Variants in CCDC57 observed in about 807,000 individuals in gnomAD.
The protein encoded by CCDC57 is coiled-coil domain containing 57.
A neutral mutation model predicts 118.9 loss-of-function variants in CCDC57; 118 were observed. The observed-to-expected ratio is 0.99, with a 90% CI of 0.86 to 1.16. The LOEUF (loss-of-function observed/expected upper bound fraction) is 1.16. CCDC57 is among the 50% of genes most tolerant of loss of function. The pLI is 0.00. For synonymous variants in CCDC57, 527 were observed against 532.9 expected, an observed-to-expected ratio of 0.99 and a Z score of 0.15; for missense variants, 1,300 against 1,320.7, an observed-to-expected ratio of 0.98 and a Z score of 0.24.
chr17:82,113,730 C>T (rs778152776), intron 19 of CCDC57: 77 of 704,742 alleles, frequency 1.1e-4, no homozygotes, highest in Non-Finnish European at 1.5e-4. Flanking sequence ...CCCAGGAGTT[C>T]GAGACCAGCC....
At chr17:82,119,432 G>GC (rs1289023961) in intron 19 of CCDC57, among the ~76,000 whole-genome samples, 11 of 151,674 alleles carry the variant, frequency 7.3e-5, no homozygotes, top group African/African-American at 1.4e-4. Context: ...ACCTGTGGGT[G>GC]CCCCCCCACC....
At chr17:82,125,339 A>G (rs1035661394) in intron 19 of CCDC57, among the ~76,000 whole-genome samples, 8 of 151,950 alleles carry the variant, frequency 5.3e-5, no homozygotes, top group African/African-American at 1.9e-4. Flanking sequence ...GGAATTTGAG[A>G]TCAGCCTGGG....
At chr17:82,195,415 C>A (rs755585830) in intron 4 of CCDC57, 51 bp from the exon 4 acceptor site, 31 of 1,425,440 alleles carry the variant, frequency 2.2e-5, no homozygotes, top group Non-Finnish European at 2.6e-5. Flanking sequence ...CCAGCAAAGA[C>A]CCCCACCCAC....
chr17:82,166,290 G>A (rs1236881480), intron 13 of CCDC57, among the ~76,000 whole-genome samples: 1 of 151,098 alleles, frequency 6.6e-6, no homozygotes, highest in Non-Finnish European at 1.5e-5. Context: ...TGAGAGAATT[G>A]CTTGAAGCCA....
intron 16 of CCDC57, among the ~76,000 whole-genome samples, chr17:82,150,313 A>T (rs1166662548): frequency 7.9e-6 from 1 of 127,216 alleles, no homozygotes. Context: ...ACCCAGAACC[A>T]GGTGCACACT....
At chr17:82,209,026 C>G (rs1187481859) in intron 1 of CCDC57, among the ~76,000 whole-genome samples, 2 of 152,154 alleles carry the variant, frequency 1.3e-5, no homozygotes, top group Non-Finnish European at 2.9e-5. Context: ...TGCACCCAGC[C>G]TCTCATCTAC....
At chr17:82,178,927 C>A in intron 10 of CCDC57, 100 bp downstream of exon 9, 1 of 1,358,244 alleles carries the variant, frequency 7.4e-7, no homozygotes, top group Non-Finnish European at 1.0e-6. Flanking sequence ...TTAGTGTTTT[C>A]AAATTTAAAG....
At chr17:82,151,647 C>T in exon 16 of CCDC57, 1 of 1,550,410 alleles carries the variant, frequency 6.4e-7, no homozygotes, top group Non-Finnish European at 8.7e-7. Flanking sequence ...ATTTTTCTGG[C>T]TGCCTCCTTC....
chr17:82,133,721 C>G (rs1004846039), intron 17 of CCDC57, among the ~76,000 whole-genome samples: 1 of 151,730 alleles, frequency 6.6e-6, no homozygotes. Flanking sequence ...ATTAGTCAGG[C>G]GTGTTGGTGC....
At chr17:82,109,173 CAGA>C (rs1469326328) in intron 19 of CCDC57, among the ~76,000 whole-genome samples, 1 of 152,188 alleles carries the variant, frequency 6.6e-6, no homozygotes, top group Non-Finnish European at 1.5e-5. Flanking sequence ...AGAAAGAGCT[CAGA>C]AGAAGCCATA....
chr17:82,138,804 G>A (rs564448935), intron 16 of CCDC57, among the ~76,000 whole-genome samples: 39 of 152,314 alleles, frequency 2.6e-4, no homozygotes, highest in Admixed American at 6.5e-4. Context: ...TGCCCACGGC[G>A]CTTCTCTTCA....
rs531508980 is a variant in CCDC57, at chr17:82,138,633, G to A, written c.2456-4439C>T. Among the ~76,000 whole-genome samples the A allele has an allele frequency of 1.1e-3, 165 of 152,274 alleles. 1 individual carries two copies. Among genetic ancestry groups the A allele is most frequent in the Non-Finnish European group, 2.0e-3 (136 of 68,014 alleles). ...TGATGAGTGCCACGGGAAGACTGCCGAGTCGGAAGAGACGCATGGCCTGCC... is the reference window on the plus strand; with the variant it reads ...TGATGAGTGCCACGGGAAGACTGCCAAGTCGGAAGAGACGCATGGCCTGCC... On this transcript the variant is annotated intron_variant, in intron 16 of 19. Transcript: ENST00000665763.
intron 16 of CCDC57, among the ~76,000 whole-genome samples, chr17:82,137,743 G>A (rs1232998467): frequency 2.0e-5 from 3 of 149,928 alleles, no homozygotes; most frequent in Admixed American, 6.7e-5. Context: ...GCGCAATCTC[G>A]GCTCACTGCA....
At chr17:82,189,772 G>A (rs567496913) in intron 7 of CCDC57, among the ~76,000 whole-genome samples, 5 of 152,264 alleles carry the variant, frequency 3.3e-5, no homozygotes, top group Admixed American at 6.5e-5. Flanking sequence ...AGAATTGCTC[G>A]AACCCGGGAG....
chr17:82,195,288 T>C (rs2146770188), exon 5 of CCDC57: 1 of 1,600,180 alleles, frequency 6.2e-7, no homozygotes, highest in Non-Finnish European at 8.5e-7. Context: ...CAAGGCTGTG[T>C]TGCTCATGTT....
intron 14 of CCDC57, 59 bp downstream of exon 13, chr17:82,163,141 G>A (rs77196553): frequency 2.2e-4 from 348 of 1,584,468 alleles, no homozygotes; most frequent in South Asian, 2.3e-4. Flanking sequence ...CAGAGCCCAC[G>A]CGCTCTCCCC....
At chr17:82,137,999 T>C (rs1047200242) in intron 16 of CCDC57, among the ~76,000 whole-genome samples, 2 of 151,796 alleles carry the variant, frequency 1.3e-5, no homozygotes, top group African/African-American at 4.8e-5. Context: ...TTTAAAATGA[T>C]CTATGAGATG....
At chr17:82,126,107 C>T (rs914201945) in intron 19 of CCDC57, among the ~76,000 whole-genome samples, 17 of 151,998 alleles carry the variant, frequency 1.1e-4, no homozygotes, top group African/African-American at 4.1e-4. Flanking sequence ...ATTGTGAAAC[C>T]CCGTCTCTAC....
chr17:82,117,379 T>A (rs2145038355), intron 19 of CCDC57, among the ~76,000 whole-genome samples: 2 of 151,854 alleles, frequency 1.3e-5, no homozygotes, highest in South Asian at 4.2e-4. Flanking sequence ...CAGGTGCTCA[T>A]GCCTGTAATC....
Sources: allele counts gnomAD v4.1 joint callset (sites outside exome capture counted in the v4.1 genomes callset), GRCh38; gene constraint gnomAD v4.1.1; transcripts MANE v1.5; gene names NCBI Gene and HGNC (gene_info 2026-07-23, HGNC 2026-07-21).